Variants in FBXL17 observed in about 807,000 individuals in gnomAD.
FBXL17 encodes F-box/LRR-repeat protein 17.
FBXL17 carries 22 observed loss-of-function variants against 66.2 expected under a neutral mutation model. The observed-to-expected ratio is 0.33, with a 90% confidence interval of 0.24 to 0.47. The LOEUF (loss-of-function observed/expected upper bound fraction) is 0.47. FBXL17 is among the 20% of genes least tolerant of loss of function. The pLI is 1.00. For synonymous variants in FBXL17, 474 were observed against 400.5 expected (o/e 1.18, Z -2.19); for missense variants, 878 against 948.2 (o/e 0.93, Z 0.97).
At chr5:108,094,601 C>G (rs1749302768) in intron 6 of FBXL17, among the ~76,000 whole-genome samples, 1 of 152,132 alleles carries the variant, frequency 6.6e-6, no homozygotes, top group South Asian at 2.1e-4. Context: ...TGTACAAAAA[C>G]AGGTCTGTGG....
chr5:108,085,175 C>T (rs10067069), intron 6 of FBXL17, among the ~76,000 whole-genome samples: 56,652 of 152,068 alleles, frequency 0.37, 10,933 homozygotes, highest in Admixed American at 0.44. Flanking sequence ...TCCAACTGTA[C>T]GACAGCTTTA....
intron 7 of FBXL17, among the ~76,000 whole-genome samples, chr5:107,906,307 T>C (rs1177362505): frequency 3.3e-5 from 5 of 152,136 alleles, no homozygotes; most frequent in Non-Finnish European, 4.4e-5. Flanking sequence ...CATATACTAA[T>C]GCTTAATTGA....
chr5:108,076,708 T>C (rs1748561278), intron 6 of FBXL17, among the ~76,000 whole-genome samples: 1 of 152,100 alleles, frequency 6.6e-6, no homozygotes. Flanking sequence ...TACGGCAATG[T>C]CCCCTCCCCT....
intron 7 of FBXL17, among the ~76,000 whole-genome samples, chr5:107,976,647 A>G (rs1197302040): frequency 6.6e-6 from 1 of 152,210 alleles, no homozygotes; most frequent in Non-Finnish European, 1.5e-5. Flanking sequence ...CATGTGAGAT[A>G]TGAGTAGAAA....
At chr5:108,068,458 T>TG (rs113038445) in intron 6 of FBXL17, among the ~76,000 whole-genome samples, 147 of 120,316 alleles carry the variant, frequency 1.2e-3, no homozygotes, top group Admixed American at 1.6e-3. Flanking sequence ...TTTCTTTTTT[T>TG]GGGGGGGGGG....
intron 8 of FBXL17, among the ~76,000 whole-genome samples, chr5:107,868,832 C>T (rs889063848): frequency 6.6e-6 from 1 of 152,152 alleles, no homozygotes; most frequent in Admixed American, 6.5e-5. Context: ...AGCCTGTGTA[C>T]CACATGCACA....
chr5:108,181,808 T>C (rs1041465002), intron 6 of FBXL17, among the ~76,000 whole-genome samples: 3 of 152,166 alleles, frequency 2.0e-5, no homozygotes, highest in African/African-American at 7.2e-5. Flanking sequence ...GAATTTTATA[T>C]ATAAATGTCA....
chr5:108,184,745 C>T (rs1399282866), intron 6 of FBXL17, among the ~76,000 whole-genome samples: 2 of 38,272 alleles, frequency 5.2e-5, no homozygotes, highest in Non-Finnish European at 8.9e-5. Flanking sequence ...AAGACTCGGT[C>T]TCAAAAAAAA....
chr5:107,950,765 T>C (rs1297559943), intron 7 of FBXL17, among the ~76,000 whole-genome samples: 1 of 152,178 alleles, frequency 6.6e-6, no homozygotes, highest in African/African-American at 2.4e-5. Context: ...AAATAGGTAA[T>C]TGAAAGTTTG....
intron 7 of FBXL17, among the ~76,000 whole-genome samples, chr5:107,979,082 T>G (rs1428460355): frequency 6.6e-6 from 1 of 152,220 alleles, no homozygotes; most frequent in East Asian, 1.9e-4. Flanking sequence ...AGACAATGCA[T>G]GTGAAACGGT....
At chr5:108,116,192 G>A (rs938884301) in intron 6 of FBXL17, among the ~76,000 whole-genome samples, 2 of 152,122 alleles carry the variant, frequency 1.3e-5, no homozygotes, top group African/African-American at 4.8e-5. Context: ...GGGTTTCTCT[G>A]CCTTATATAC....
At chr5:107,921,097 T>G (rs1008625600) in intron 7 of FBXL17, among the ~76,000 whole-genome samples, 4 of 152,202 alleles carry the variant, frequency 2.6e-5, no homozygotes, top group Non-Finnish European at 5.9e-5. Context: ...TTGACTATAA[T>G]AAATTGAGTA....
In FBXL17 at chr5:108,357,659, T is replaced by C. The variant is rs564464276; in HGVS notation, c.1374+7079A>G. Among the ~76,000 whole-genome samples the C allele has an allele frequency of 2.7e-4, 41 of 151,270 alleles. No homozygotes were observed. The South Asian group carries it at 7.7e-3, about 28-fold the overall frequency. On this transcript the variant is annotated intron_variant, in intron 3 of 8. Transcript: ENST00000542267. ...CTCTCATACTGCAATAGAAATAAAA[T>C]AAAAATCGATTACAGGAAAATGACG...
rs148947236 is a variant in FBXL17 at position 107,870,699 on chromosome 5, C to T, written c.1966-8839G>A. ...CTCCTGGGTCCAAGTGATTCTCCTG[C>T]CTCAGCCTCCCAAGTAGCTGGGACT... On this transcript the variant is annotated intron_variant, in intron 8 of 8. Coordinates refer to ENST00000542267, the MANE Select transcript of FBXL17 (RefSeq NM_001163315.3). Among the ~76,000 whole-genome samples the T allele has an allele frequency of 5.4e-3, 822 of 151,908 alleles. 11 individuals carry two copies. Among genetic ancestry groups the T allele is most frequent in the African/African-American group, 0.019 (789 of 41,392 alleles).
intron 4 of FBXL17, among the ~76,000 whole-genome samples, chr5:108,239,383 A>G (rs192513024): frequency 6.6e-6 from 1 of 152,312 alleles, no homozygotes; most frequent in Non-Finnish European, 1.5e-5. Flanking sequence ...ACAGGGAGTG[A>G]ATCTGTGTGC....
At chr5:108,055,525 C>A (rs1007069737) in intron 6 of FBXL17, among the ~76,000 whole-genome samples, 1 of 141,576 alleles carries the variant, frequency 7.1e-6, no homozygotes, top group African/African-American at 2.6e-5. Flanking sequence ...AGGAGAATGG[C>A]GTGAACCCGG....
chr5:108,027,711 T>C (rs1047916300), intron 6 of FBXL17, among the ~76,000 whole-genome samples: 1 of 152,098 alleles, frequency 6.6e-6, no homozygotes, highest in African/African-American at 2.4e-5. Context: ...TATTACTATC[T>C]CTATAACTAT....
intron 6 of FBXL17, among the ~76,000 whole-genome samples, chr5:108,112,385 G>T (rs1386985521): frequency 6.6e-6 from 1 of 152,206 alleles, no homozygotes; most frequent in Non-Finnish European, 1.5e-5. Flanking sequence ...ACTCAGAAGG[G>T]CAATGCCTCA....
At chr5:108,153,326 A>T (rs1314701794) in intron 6 of FBXL17, among the ~76,000 whole-genome samples, 1 of 152,232 alleles carries the variant, frequency 6.6e-6, no homozygotes, top group Non-Finnish European at 1.5e-5. Context: ...TTATTTGGAA[A>T]CTACTATTCA....
Sources: allele counts gnomAD v4.1 joint callset (sites outside exome capture counted in the v4.1 genomes callset), GRCh38; gene constraint gnomAD v4.1.1; transcripts MANE v1.5; gene names NCBI Gene and HGNC (gene_info 2026-07-23, HGNC 2026-07-21).